The following EDIL3 variants were observed in gnomAD, a reference collection of about 807,000 sequenced individuals.
EDIL3 encodes EGF like and discoidin domains 3.
Under a neutral mutation model 67.4 loss-of-function variants are expected in EDIL3, and 37 were observed. The observed-to-expected ratio is 0.55, with a 90% CI of 0.42 to 0.72. The LOEUF (loss-of-function observed/expected upper bound fraction) is 0.72, where lower values mean the gene tolerates loss of function less well. Ranked by LOEUF, EDIL3 falls within the 30% of genes least tolerant of loss-of-function variation. The probability of loss-of-function intolerance (pLI) is 0.00; values close to 1 mark genes in which losing one functional copy is unlikely to be tolerated. For missense variants in EDIL3, 527 were observed against 586.3 expected (o/e 0.90, Z 1.04); for synonymous variants, 195 against 196.3 (o/e 0.99, Z 0.05).
At chr5:84,207,042 C>T (rs991253983) in intron 3 of EDIL3, among the ~76,000 whole-genome samples, 1 of 152,038 alleles carries the variant, frequency 6.6e-6, no homozygotes, top group African/African-American at 2.4e-5. Context: ...GAAGTTCTGG[C>T]CAGGGCAATT....
intron 10 of EDIL3, among the ~76,000 whole-genome samples, chr5:83,960,351 T>C (rs1580253422): frequency 6.6e-6 from 1 of 151,154 alleles, no homozygotes; most frequent in East Asian, 1.9e-4. Context: ...CAATCTACTT[T>C]CACAATTTTC....
intron 5 of EDIL3, among the ~76,000 whole-genome samples, chr5:84,109,018 A>G (rs1004257273): frequency 1.3e-5 from 2 of 152,106 alleles, no homozygotes; most frequent in Non-Finnish European, 2.9e-5. Flanking sequence ...CTATAATTCT[A>G]CTTCATTGTT....
intron 10 of EDIL3, among the ~76,000 whole-genome samples, chr5:83,946,236 GA>G (rs1744305949): frequency 6.6e-6 from 1 of 152,050 alleles, no homozygotes; most frequent in African/African-American, 2.4e-5. Context: ...ACATGAGAAA[GA>G]CACAGTTCAA....
At chr5:84,165,249 C>T (rs1398521078) in intron 4 of EDIL3, among the ~76,000 whole-genome samples, 1 of 152,054 alleles carries the variant, frequency 6.6e-6, no homozygotes, top group Non-Finnish European at 1.5e-5. Context: ...AATGCAAGAT[C>T]CTCACATTGA....
chr5:83,956,481 A>C (rs1388110765), intron 10 of EDIL3, among the ~76,000 whole-genome samples: 6 of 151,694 alleles, frequency 4.0e-5, no homozygotes, highest in Non-Finnish European at 8.8e-5. Flanking sequence ...CATTGATGAC[A>C]ATATGCTGCT....
At chr5:84,052,184 C>A (rs986227908) in intron 9 of EDIL3, among the ~76,000 whole-genome samples, 2 of 152,086 alleles carry the variant, frequency 1.3e-5, no homozygotes, top group South Asian at 4.2e-4. Flanking sequence ...AATTTTCAAC[C>A]CAGAATTTCA....
At chr5:84,034,875 G>A (rs563890134) in intron 9 of EDIL3, among the ~76,000 whole-genome samples, 1 of 152,208 alleles carries the variant, frequency 6.6e-6, no homozygotes, top group East Asian at 1.9e-4. Context: ...AGCCAGGCTG[G>A]CCATGTCACT....
rs1744249236 is a variant in EDIL3, at chr5:84,217,348, T to C, written c.226+12507A>G. ...AATAAAACAGTTTGTGTTTATATTT[T>C]TTCTGGTTCTCTGAGATAGTTAAAT... On this transcript the variant is annotated intron_variant, in intron 3 of 10. Transcript: ENST00000296591. Among the ~76,000 whole-genome samples, 11 of 152,314 alleles carry C rather than the reference T, an allele frequency of 7.2e-5. No homozygotes were observed. The South Asian group carries it at 2.3e-3, about 32-fold the overall frequency.
chr5:84,381,574 T>C (rs144661261), intron 1 of EDIL3, among the ~76,000 whole-genome samples: 56 of 152,266 alleles, frequency 3.7e-4, no homozygotes, highest in African/African-American at 1.1e-3. Context: ...TTTATTCTCA[T>C]GTAAAATTAA....
chr5:84,314,059 G>A (rs182966097), intron 1 of EDIL3, among the ~76,000 whole-genome samples: 1 of 152,174 alleles, frequency 6.6e-6, no homozygotes, highest in Non-Finnish European at 1.5e-5. Context: ...AGCCAGGTGG[G>A]GTGGCACCTG....
intron 3 of EDIL3, among the ~76,000 whole-genome samples, chr5:84,224,120 C>CA (rs1391436735): frequency 6.6e-6 from 1 of 151,174 alleles, no homozygotes; most frequent in African/African-American, 2.4e-5. Flanking sequence ...ATGAACAAAA[C>CA]AATAAGTTAC....
At position 84,144,395 on chromosome 5, in the gene EDIL3, G is replaced by A. The variant is rs1363359183; in HGVS notation, c.356-7041C>T. ...TGTCACAATCTGTAATGTTTCTGAA[G>A]CTCTTACAGTAGAGTAGATAGACAA... On this transcript the variant is annotated intron_variant, in intron 4 of 10. Transcript: ENST00000296591. Among the ~76,000 whole-genome samples, 6 of 151,900 alleles carry A rather than the reference G, an allele frequency of 3.9e-5. No individual in the cohort carries two copies. In the East Asian group the frequency reaches 1.2e-3, roughly 30 times the overall value.
intron 2 of EDIL3, among the ~76,000 whole-genome samples, chr5:84,238,396 G>A (rs1353991531): frequency 6.6e-6 from 1 of 151,742 alleles, no homozygotes; most frequent in African/African-American, 2.4e-5. Context: ...AAGATGAAGG[G>A]GGAAGAAAAA....
intron 6 of EDIL3, among the ~76,000 whole-genome samples, chr5:84,079,854 C>T: frequency 6.6e-6 from 1 of 152,014 alleles, no homozygotes; most frequent in Non-Finnish European, 1.5e-5. Flanking sequence ...TTGCAACTCC[C>T]CTGTTCTTTC....
At chr5:84,247,103 G>C (rs1198411051) in intron 2 of EDIL3, among the ~76,000 whole-genome samples, 1 of 152,102 alleles carries the variant, frequency 6.6e-6, no homozygotes, top group Non-Finnish European at 1.5e-5. Context: ...CTATTGGCTA[G>C]CAGCTTTAGA....
intron 9 of EDIL3, among the ~76,000 whole-genome samples, chr5:83,992,351 C>A (rs1042052989): frequency 3.3e-5 from 5 of 152,058 alleles, no homozygotes; most frequent in Admixed American, 2.6e-4. Context: ...ACTGATCCAG[C>A]AATTATCAGG....
intron 9 of EDIL3, among the ~76,000 whole-genome samples, chr5:84,041,310 G>A (rs1746115998): frequency 6.6e-6 from 1 of 151,712 alleles, no homozygotes; most frequent in African/African-American, 2.4e-5. Flanking sequence ...AGAATCTCTG[G>A]GGATAAAATT....
intron 2 of EDIL3, among the ~76,000 whole-genome samples, chr5:84,243,915 A>G (rs532504946): frequency 1.3e-5 from 2 of 152,162 alleles, no homozygotes; most frequent in African/African-American, 4.8e-5. Context: ...AAAAATTGTT[A>G]CCCATGTACT....
At chr5:84,366,731 G>T (rs1747744507) in intron 1 of EDIL3, among the ~76,000 whole-genome samples, 1 of 152,110 alleles carries the variant, frequency 6.6e-6, no homozygotes, top group South Asian at 2.1e-4. Flanking sequence ...ATACACAAAA[G>T]TACCCACCAA....
Sources: gnomAD v4.1 joint callset for allele counts (sites outside exome capture counted in the v4.1 genomes callset) on GRCh38, gnomAD v4.1.1 for gene constraint, MANE v1.5 for transcripts, NCBI Gene and HGNC (gene_info 2026-07-23, HGNC 2026-07-21) for gene names.